Variants in TTLL5 observed in about 807,000 individuals in gnomAD.
TTLL5 encodes tubulin tyrosine ligase like 5.
TTLL5 carries 132 observed loss-of-function variants against 168.4 expected under a neutral mutation model. The observed-to-expected ratio is 0.78, with a 90% CI of 0.68 to 0.91. The LOEUF is 0.91. Among genes scored for constraint, TTLL5 ranks in the 40% least tolerant of loss-of-function variants. The probability of loss-of-function intolerance (pLI) is 0.00; values close to 1 mark genes in which losing one functional copy is unlikely to be tolerated. For synonymous variants in TTLL5, 546 were observed against 558.6 expected, an observed-to-expected ratio of 0.98 and a Z score of 0.32; for missense variants, 1,545 against 1,581.5, an observed-to-expected ratio of 0.98 and a Z score of 0.39.
rs546726277 is a variant in TTLL5 at position 75,871,933 on chromosome 14, G to A, written c.3522+8071G>A. Among the ~76,000 whole-genome samples, 18 of 152,352 alleles carry A rather than the reference G, an allele frequency of 1.2e-4. No homozygotes were observed. In the South Asian group the frequency reaches 3.7e-3, roughly 32 times the overall value. On this transcript the variant is annotated intron_variant, in intron 29 of 31. Transcript: ENST00000298832. ...ACCTCAAAGTTGTAAAGGAAACTTAGAGATTGCCTTTGACTAATTATTTCA... is the reference window on the plus strand; with the variant it reads ...ACCTCAAAGTTGTAAAGGAAACTTAAAGATTGCCTTTGACTAATTATTTCA...
intron 31 of TTLL5, among the ~76,000 whole-genome samples, chr14:75,922,883 A>G (rs984020600): frequency 1.3e-5 from 2 of 152,052 alleles, no homozygotes; most frequent in African/African-American, 4.8e-5. Context: ...TTGGTAGGCT[A>G]TTAATTATTG....
chr14:75,935,240 G>T (rs1181508215), intron 31 of TTLL5, among the ~76,000 whole-genome samples: 2 of 152,164 alleles, frequency 1.3e-5, no homozygotes, highest in Non-Finnish European at 2.9e-5. Context: ...CCCAACCAAG[G>T]TCAAACTTCT....
chr14:75,904,690 G>A (rs1290970177), intron 31 of TTLL5, among the ~76,000 whole-genome samples: 1 of 152,136 alleles, frequency 6.6e-6, no homozygotes, highest in Non-Finnish European at 1.5e-5. Flanking sequence ...ACCTTTCCCT[G>A]CTAATTCTAC....
chr14:75,803,881 A>G (rs921496097), intron 27 of TTLL5, among the ~76,000 whole-genome samples: 2 of 152,200 alleles, frequency 1.3e-5, no homozygotes, highest in Non-Finnish European at 2.9e-5. Context: ...TGTGGTGAGA[A>G]GTGGGAGGCA....
At chr14:75,756,511 CTTT>C (rs34387037) in intron 18 of TTLL5, among the ~76,000 whole-genome samples, 5 of 144,500 alleles carry the variant, frequency 3.5e-5, no homozygotes, top group African/African-American at 5.1e-5. Flanking sequence ...AAACTGGGGA[CTTT>C]TTTTTTTTTT....
At chr14:75,683,727 A>C in intron 5 of TTLL5, 71 bp downstream of exon 5, 2 of 1,247,960 alleles carry the variant, frequency 1.6e-6, no homozygotes, top group Non-Finnish European at 2.3e-6. Context: ...CAGCAAAGGT[A>C]ATTAGTGTCC....
chr14:75,753,037 A>G (rs1890042302), intron 18 of TTLL5, 82 bp downstream of exon 18: 1 of 1,340,366 alleles, frequency 7.5e-7, no homozygotes, highest in Non-Finnish European at 1.0e-6. Context: ...AACAGACCTT[A>G]TAAAAGTCTT....
intron 2 of TTLL5, 64 bp downstream of exon 2, chr14:75,663,287 T>TAAGTGA: frequency 7.0e-7 from 1 of 1,418,864 alleles, no homozygotes; most frequent in Non-Finnish European, 9.7e-7. Context: ...TACTCTTATA[T>TAAGTGA]ACTGTTTTAC....
chr14:75,949,737 T>C (rs1415733245), intron 31 of TTLL5, among the ~76,000 whole-genome samples: 8 of 151,738 alleles, frequency 5.3e-5, no homozygotes, highest in Non-Finnish European at 1.0e-4. Flanking sequence ...TAGTCCCAGC[T>C]TAGTCGGGAG....
chr14:75,817,711 C>T (rs1249989792), intron 27 of TTLL5, among the ~76,000 whole-genome samples: 1 of 151,918 alleles, frequency 6.6e-6, no homozygotes, highest in Admixed American at 6.6e-5. Flanking sequence ...CACTACTGTT[C>T]TCTAGTGTCT....
intron 27 of TTLL5, among the ~76,000 whole-genome samples, chr14:75,813,847 A>G (rs865901842): frequency 2.0e-5 from 3 of 149,606 alleles, no homozygotes; most frequent in East Asian, 2.0e-4. Context: ...AAAAAAAGCT[A>G]TAGGTTTTCA....
intron 31 of TTLL5, among the ~76,000 whole-genome samples, chr14:75,930,292 G>A (rs1566665618): frequency 6.6e-6 from 1 of 152,156 alleles, no homozygotes; most frequent in Non-Finnish European, 1.5e-5. Context: ...GCAAAAGAAT[G>A]ATTACAAATT....
intron 30 of TTLL5, among the ~76,000 whole-genome samples, chr14:75,889,920 T>C (rs1453764946): frequency 7.5e-6 from 1 of 133,990 alleles, no homozygotes; most frequent in Non-Finnish European, 1.6e-5. Context: ...AAAGGTAATC[T>C]GTCAAAGAAG....
chr14:75,909,931 A>G (rs1310301175), intron 31 of TTLL5, among the ~76,000 whole-genome samples: 5 of 152,234 alleles, frequency 3.3e-5, no homozygotes, highest in South Asian at 2.1e-4. Flanking sequence ...TTCTACATTC[A>G]GAAACAAAAC....
Position 75,707,668 on chromosome 14 carries a change from A to T in TTLL5, c.701A>T (p.Asp234Val), listed in dbSNP as rs1238802213. The T allele has an allele frequency of 1.2e-6, 2 of 1,610,022 alleles. No individual in the cohort carries two copies. Among genetic ancestry groups the T allele is most frequent in the African/African-American group, 1.4e-5 (1 of 73,758 alleles). ...CTCTATGTGCTCGTGACTTCCTATG[A>T]TCCTCTTGTCATCTATCTCTATGAA... is the stretch of plus-strand genomic sequence containing the variant. ...VRLYVLVTSY[D>V]PLVIYLYEEG... The change falls in exon 9 of 32, where the codon GAT becomes GTT. Residue 234 changes from aspartate to valine, a missense_variant. Coordinates refer to ENST00000298832, the MANE Select transcript of TTLL5 (RefSeq NM_015072.5).
At chr14:75,742,849 T>C (rs1889356200) in intron 15 of TTLL5, among the ~76,000 whole-genome samples, 1 of 152,240 alleles carries the variant, frequency 6.6e-6, no homozygotes, top group Admixed American at 6.5e-5. Context: ...TAAATAAGTG[T>C]TCACACTTTT....
In TTLL5 at chr14:75,806,326, C is replaced by T. The variant is rs765290854; in HGVS notation, c.3171+13226C>T. ...GAATTCAGGTGTGAGCCACTGTGCC[C>T]GGCCATAATGGATCCTTTCCTAAAT... On this transcript the variant is annotated intron_variant, in intron 27 of 31. Coordinates refer to ENST00000298832, the MANE Select transcript of TTLL5 (RefSeq NM_015072.5). 5.3e-5 allele frequency among the ~76,000 whole-genome samples: 8 copies of T among 152,112 alleles called. No individual in the cohort carries two copies. In the South Asian group the frequency reaches 6.2e-4, roughly 12 times the overall value.
chr14:75,790,797 A>T (rs1892653193), intron 26 of TTLL5, among the ~76,000 whole-genome samples: 1 of 150,868 alleles, frequency 6.6e-6, no homozygotes, highest in Non-Finnish European at 1.5e-5. Flanking sequence ...GTTGGAGTGT[A>T]AAAAAATACC....
At chr14:75,914,056 T>A (rs1468252868) in intron 31 of TTLL5, among the ~76,000 whole-genome samples, 12 of 112,370 alleles carry the variant, frequency 1.1e-4, no homozygotes, top group African/African-American at 6.0e-4. Context: ...ATATATATAT[T>A]TTATCCCCTA....
Sources: gnomAD v4.1 joint callset for allele counts (sites outside exome capture counted in the v4.1 genomes callset) on GRCh38, gnomAD v4.1.1 for gene constraint, MANE v1.5 for transcripts, NCBI Gene and HGNC (gene_info 2026-07-23, HGNC 2026-07-21) for gene names.